NELL2: variants seen among roughly 807,000 people sequenced by gnomAD.
NELL2 encodes the protein protein kinase C-binding protein NELL2.
Under a neutral mutation model 109.6 loss-of-function variants are expected in NELL2, and 41 were observed. The ratio of observed to expected loss-of-function variants is 0.37; its 90% CI spans 0.29 to 0.49. The LOEUF (loss-of-function observed/expected upper bound fraction) is 0.49. Ranked by LOEUF, NELL2 falls within the 20% of genes least tolerant of loss-of-function variation. The pLI, the probability that NELL2 is intolerant of heterozygous loss-of-function variation, is 0.98. For synonymous variants in NELL2, 355 were observed against 344.7 expected (o/e 1.03, Z -0.33); for missense variants, 900 against 1,008.3 (o/e 0.89, Z 1.45).
intron 9 of NELL2, among the ~76,000 whole-genome samples, chr12:44,736,281 T>C (rs1939647763): frequency 6.6e-6 from 1 of 151,932 alleles, no homozygotes; most frequent in South Asian, 2.1e-4. Context: ...AGTGCTGGGA[T>C]TACAGGCGTG....
intron 16 of NELL2, among the ~76,000 whole-genome samples, chr12:44,531,391 G>T (rs1052023297): frequency 6.6e-6 from 1 of 152,128 alleles, no homozygotes; most frequent in African/African-American, 2.4e-5. Context: ...TATAATCTGT[G>T]GTTCCTGGCA....
chr12:44,589,096 T>G (rs1489040137), intron 15 of NELL2, among the ~76,000 whole-genome samples: 1 of 152,196 alleles, frequency 6.6e-6, no homozygotes, highest in Non-Finnish European at 1.5e-5. Flanking sequence ...GAGTTACTTC[T>G]CAGTATGGCA....
intron 12 of NELL2, among the ~76,000 whole-genome samples, chr12:44,687,062 A>G (rs1263281242): frequency 6.6e-6 from 1 of 152,142 alleles, no homozygotes; most frequent in African/African-American, 2.4e-5. Context: ...GCGAGACTCC[A>G]CGGGCATAGG....
intron 15 of NELL2, among the ~76,000 whole-genome samples, chr12:44,600,761 T>A (rs1304912151): frequency 6.6e-6 from 1 of 152,228 alleles, no homozygotes; most frequent in Non-Finnish European, 1.5e-5. Context: ...ATCTATGGTA[T>A]GATTTCCAGG....
chr12:44,531,185 A>G (rs1942037334), intron 16 of NELL2, among the ~76,000 whole-genome samples: 2 of 152,210 alleles, frequency 1.3e-5, no homozygotes, highest in South Asian at 4.1e-4. Flanking sequence ...AAAGGGGGGA[A>G]GAGAAATGAA....
chr12:44,845,852 T>A (rs1027196948), intron 2 of NELL2, among the ~76,000 whole-genome samples: 7 of 152,154 alleles, frequency 4.6e-5, no homozygotes, highest in African/African-American at 1.7e-4. Context: ...AAAATTCAAT[T>A]TACCTCCACT....
intron 12 of NELL2, among the ~76,000 whole-genome samples, chr12:44,688,717 C>T (rs889010456): frequency 4.6e-5 from 7 of 152,142 alleles, no homozygotes; most frequent in East Asian, 1.9e-4. Flanking sequence ...CATTCATCTG[C>T]GTGTTAAATC....
At chr12:44,541,250 C>CAAAAAAAAAA (rs3071951) in intron 15 of NELL2, among the ~76,000 whole-genome samples, 4 of 78,894 alleles carry the variant, frequency 5.1e-5, no homozygotes, top group Admixed American at 1.7e-4. Flanking sequence ...GACTCCATCT[C>CAAAAAAAAAA]AAAAAAAAAA....
At chr12:44,588,333 G>A (rs908953142) in intron 15 of NELL2, among the ~76,000 whole-genome samples, 1 of 152,112 alleles carries the variant, frequency 6.6e-6, no homozygotes, top group African/African-American at 2.4e-5. Flanking sequence ...CCTCTCTGAG[G>A]CAGCCTGAGC....
chr12:44,801,779 A>C (rs1189525837), intron 3 of NELL2, among the ~76,000 whole-genome samples: 1 of 152,280 alleles, frequency 6.6e-6, no homozygotes, highest in African/African-American at 2.4e-5. Flanking sequence ...GCACCTAAGA[A>C]GTCAGCCAGC....
At chr12:44,850,424 C>T (rs190171033) in intron 2 of NELL2, among the ~76,000 whole-genome samples, 3 of 152,026 alleles carry the variant, frequency 2.0e-5, no homozygotes, top group Admixed American at 1.3e-4. Flanking sequence ...TTAAAAGAAT[C>T]AGGAGAGCCA....
intron 2 of NELL2, among the ~76,000 whole-genome samples, chr12:44,823,917 G>C (rs1399939594): frequency 6.6e-6 from 1 of 152,088 alleles, no homozygotes; most frequent in Non-Finnish European, 1.5e-5. Context: ...AGGTCTTTTT[G>C]ATAATAGTCA....
chr12:44,775,340 A>G (rs918695251), intron 8 of NELL2, among the ~76,000 whole-genome samples: 5 of 149,308 alleles, frequency 3.3e-5, no homozygotes, highest in African/African-American at 1.3e-4. Flanking sequence ...ATGAACTTTG[A>G]GAAATTTTTT....
chr12:44,702,411 G>A (rs936280673), intron 12 of NELL2, among the ~76,000 whole-genome samples: 1 of 151,980 alleles, frequency 6.6e-6, no homozygotes, highest in African/African-American at 2.4e-5. Context: ...AATATACTTA[G>A]TAGCATCAAA....
chr12:44,873,444 C>T (rs1592691005), intron 2 of NELL2, among the ~76,000 whole-genome samples: 1 of 151,954 alleles, frequency 6.6e-6, no homozygotes, highest in Non-Finnish European at 1.5e-5. Flanking sequence ...TTATCGATTC[C>T]TGAGACTATT....
intron 9 of NELL2, among the ~76,000 whole-genome samples, chr12:44,715,528 C>T (rs1239927322): frequency 6.6e-6 from 1 of 151,946 alleles, no homozygotes; most frequent in Non-Finnish European, 1.5e-5. Flanking sequence ...TAAGGTGAAA[C>T]AGATTTACCC....
intron 16 of NELL2, among the ~76,000 whole-genome samples, chr12:44,528,807 C>T (rs1941916347): frequency 6.6e-6 from 1 of 152,102 alleles, no homozygotes; most frequent in African/African-American, 2.4e-5. Flanking sequence ...TTTAAATTAG[C>T]AGTCCAGGAG....
At chr12:44,535,895 C>G (rs1942273690) in intron 15 of NELL2, among the ~76,000 whole-genome samples, 3 of 151,676 alleles carry the variant, frequency 2.0e-5, no homozygotes, top group Admixed American at 2.0e-4. Flanking sequence ...AAATGCAATG[C>G]CTTAATTTAT....
At chr12:44,806,152 T>G (rs535663146) in intron 3 of NELL2, among the ~76,000 whole-genome samples, 1 of 151,928 alleles carries the variant, frequency 6.6e-6, no homozygotes, top group Admixed American at 6.6e-5. Context: ...ATTAAAAATA[T>G]AGACGATAAT....
Sources: gnomAD v4.1 joint callset for allele counts (sites outside exome capture counted in the v4.1 genomes callset) on GRCh38, gnomAD v4.1.1 for gene constraint, MANE v1.5 for transcripts, NCBI Gene and HGNC (gene_info 2026-07-23, HGNC 2026-07-21) for gene names.